The following FARS2 variants were observed in gnomAD, a reference collection of about 807,000 sequenced individuals.
The protein encoded by FARS2 is phenylalanyl-tRNA synthetase 2, mitochondrial.
A neutral mutation model predicts 46.4 loss-of-function variants in FARS2; 40 were observed. The ratio of observed to expected loss-of-function variants is 0.86; its 90% confidence interval spans 0.67 to 1.12. The LOEUF is 1.12. FARS2 is among the 50% of genes most tolerant of loss of function. The pLI, the probability that FARS2 is intolerant of heterozygous loss-of-function variation, is 0.00. For synonymous variants in FARS2, 234 were observed against 214.9 expected (o/e 1.09, Z -0.78); for missense variants, 513 against 567.9 (o/e 0.90, Z 0.98).
chr6:5,292,764 T>C (rs1767592318), intron 1 of FARS2, among the ~76,000 whole-genome samples: 1 of 152,156 alleles, frequency 6.6e-6, no homozygotes, highest in African/African-American at 2.4e-5. Context: ...TGGTGTATAA[T>C]TGGCAATTCA....
Position 5,408,458 on chromosome 6 carries a change from T to G in FARS2, c.772+3757T>G, listed in dbSNP as rs188766044. ...AAAGAAGAGGCAAGGGGAAGAAAAA[T>G]GATTGACAGTAGACTCTTATGACCA... is the stretch of plus-strand genomic sequence containing the variant. On this transcript the variant is annotated intron_variant, in intron 3 of 6. Transcript: ENST00000274680. Among the ~76,000 whole-genome samples, 66 of 151,980 alleles carry G rather than the reference T, an allele frequency of 4.3e-4. 1 individual carries two copies. Among genetic ancestry groups the G allele is most frequent in the South Asian group, 1.7e-3 (8 of 4,800 alleles).
intron 5 of FARS2, among the ~76,000 whole-genome samples, chr6:5,604,211 G>A (rs1027637767): frequency 6.6e-6 from 1 of 152,180 alleles, no homozygotes; most frequent in Non-Finnish European, 1.5e-5. Flanking sequence ...AGGGGGCCCT[G>A]ACAGAGCCGT....
chr6:5,765,086 A>G lies in FARS2; in HGVS notation c.1218-6205A>G, dbSNP rs1762681801. 6.6e-6 allele frequency among the ~76,000 whole-genome samples: 1 copy of G among 152,178 alleles called. No individual in the cohort carries two copies. The highest frequency in any genetic ancestry group is 2.4e-5 in the African/African-American group (1 of 41,438). On this transcript the variant is annotated intron_variant, in intron 6 of 6. Transcript: ENST00000274680. This position sits in a 1 kb window ranked among gnomAD's most constrained non-coding sequence, Gnocchi z 4.0. ...CCCTGACTATACTCAGCACCTATAC[A>G]TCCTTGTCTTTGGTCTAGGGGCTCT...
chr6:5,698,879 G>C (rs544549664), intron 6 of FARS2, among the ~76,000 whole-genome samples: 143 of 152,284 alleles, frequency 9.4e-4, no homozygotes, highest in Middle Eastern at 3.4e-3. Flanking sequence ...GCTGGTCTGT[G>C]GGGGATCTTC....
At chr6:5,488,794 A>T (rs1250128677) in intron 4 of FARS2, among the ~76,000 whole-genome samples, 1 of 152,120 alleles carries the variant, frequency 6.6e-6, no homozygotes, top group East Asian at 1.9e-4. Flanking sequence ...TACTCCGCAT[A>T]TCTAAATCTG....
intron 4 of FARS2, among the ~76,000 whole-genome samples, chr6:5,462,699 C>T (rs1398605780): frequency 6.6e-6 from 1 of 152,176 alleles, no homozygotes; most frequent in African/African-American, 2.4e-5. Context: ...TAGAACTGTG[C>T]AGTCTTGACT....
At chr6:5,367,197 G>C (rs983486845) in intron 1 of FARS2, among the ~76,000 whole-genome samples, 7 of 152,208 alleles carry the variant, frequency 4.6e-5, no homozygotes, top group Non-Finnish European at 4.4e-5. Flanking sequence ...GCTTTTGATA[G>C]TGACTTGGAA....
At chr6:5,336,234 A>G (rs1247682863) in intron 1 of FARS2, among the ~76,000 whole-genome samples, 1 of 152,102 alleles carries the variant, frequency 6.6e-6, no homozygotes, top group Non-Finnish European at 1.5e-5. Flanking sequence ...TAAAAACAGA[A>G]AGGAGAAAAA....
intron 5 of FARS2, among the ~76,000 whole-genome samples, chr6:5,588,104 A>G (rs905503884): frequency 1.3e-5 from 2 of 151,966 alleles, no homozygotes; most frequent in African/African-American, 4.8e-5. Flanking sequence ...GTTTCCCCTT[A>G]CTGTAAAACA....
At chr6:5,496,653 T>C (rs918687072) in intron 4 of FARS2, among the ~76,000 whole-genome samples, 7 of 152,164 alleles carry the variant, frequency 4.6e-5, no homozygotes, top group Non-Finnish European at 7.3e-5. Context: ...TCTTTCCCTC[T>C]GTGTGTATCT....
At chr6:5,555,001 C>G (rs1429389867) in intron 5 of FARS2, among the ~76,000 whole-genome samples, 1 of 152,058 alleles carries the variant, frequency 6.6e-6, no homozygotes, top group South Asian at 2.1e-4. Flanking sequence ...CTCTGTGTCC[C>G]CACCCAAGTC....
At chr6:5,632,817 T>G (rs1264984654) in intron 6 of FARS2, among the ~76,000 whole-genome samples, 2 of 152,176 alleles carry the variant, frequency 1.3e-5, no homozygotes, top group East Asian at 3.8e-4. Context: ...CTTTGCCCAC[T>G]TTTCAATTGA....
chr6:5,291,941 A>G (rs1004778247), intron 1 of FARS2, among the ~76,000 whole-genome samples: 3 of 152,212 alleles, frequency 2.0e-5, no homozygotes, highest in Non-Finnish European at 2.9e-5. Context: ...TAAGTCAACA[A>G]TTACAATAAA....
At chr6:5,592,838 G>A (rs1323759683) in intron 5 of FARS2, among the ~76,000 whole-genome samples, 2 of 152,234 alleles carry the variant, frequency 1.3e-5, no homozygotes, top group Non-Finnish European at 2.9e-5. Flanking sequence ...CCCAGAGCGA[G>A]AAAAGCCCAG....
chr6:5,701,253 T>C (rs933324235), intron 6 of FARS2, among the ~76,000 whole-genome samples: 8 of 152,242 alleles, frequency 5.3e-5, no homozygotes, highest in Non-Finnish European at 1.0e-4. Flanking sequence ...GGGCCCCGTG[T>C]GCACATCTCT....
At chr6:5,405,781 G>C (rs905057399) in intron 3 of FARS2, among the ~76,000 whole-genome samples, 1 of 152,048 alleles carries the variant, frequency 6.6e-6, no homozygotes, top group East Asian at 1.9e-4. Context: ...CGTGATCCAC[G>C]GCGCCCGGCC....
chr6:5,545,139 C>G, intron 4 of FARS2, 41 bp from the exon 5 acceptor site: 1 of 1,602,546 alleles, frequency 6.2e-7, no homozygotes, highest in Non-Finnish European at 8.5e-7. Flanking sequence ...TATCCAATCT[C>G]GATACTTTTT....
intron 5 of FARS2, among the ~76,000 whole-genome samples, chr6:5,580,150 C>G (rs577665155): frequency 6.6e-6 from 1 of 151,370 alleles, no homozygotes; most frequent in South Asian, 2.1e-4. Flanking sequence ...ATTAGCCGGG[C>G]GTGGTGGTGC....
chr6:5,252,323 CTG>C, the FARS2 span, among the ~76,000 whole-genome samples: 1 of 152,206 alleles, frequency 6.6e-6, no homozygotes, highest in African/African-American at 2.4e-5. Flanking sequence ...CCTTGACCAA[CTG>C]TGAGACCAAT....
Sources: allele counts gnomAD v4.1 joint callset (sites outside exome capture counted in the v4.1 genomes callset), GRCh38; gene constraint gnomAD v4.1.1; non-coding constraint Gnocchi (gnomAD v3.1); transcripts MANE v1.5; gene names NCBI Gene and HGNC (gene_info 2026-07-23, HGNC 2026-07-21).